Variants in MIPOL1 observed in about 807,000 individuals in gnomAD.
MIPOL1 encodes the protein mirror-image polydactyly 1.
MIPOL1 carries 57 observed loss-of-function variants against 60.9 expected under a neutral mutation model. The observed-to-expected ratio is 0.94, with a 90% CI of 0.76 to 1.17. The LOEUF (loss-of-function observed/expected upper bound fraction) is 1.17, where lower values mean the gene tolerates loss of function less well. Among genes scored for constraint, MIPOL1 ranks in the 50% most tolerant of loss-of-function variants. The probability of loss-of-function intolerance (pLI) is 0.00; values close to 1 mark genes in which losing one functional copy is unlikely to be tolerated. For missense variants in MIPOL1, 551 were observed against 511.6 expected, an observed-to-expected ratio of 1.08 and a Z score of -0.74; for synonymous variants, 179 against 168.8, an observed-to-expected ratio of 1.06 and a Z score of -0.47.
chr14:37,434,670 T>G (rs1450558753), intron 11 of MIPOL1: 1 of 151,986 alleles, frequency 6.6e-6, no homozygotes, highest in Non-Finnish European at 1.5e-5. Context: ...GACTTCCCAG[T>G]GTTGGGATTA....
At chr14:37,349,856 G>A (rs1398732243) in intron 9 of MIPOL1, among the ~76,000 whole-genome samples, 1 of 152,140 alleles carries the variant, frequency 6.6e-6, no homozygotes, top group African/African-American at 2.4e-5. Flanking sequence ...ATATACAGCT[G>A]CCTGGAACAG....
chr14:37,358,280 A>G (rs1252964268), intron 9 of MIPOL1, among the ~76,000 whole-genome samples: 4 of 152,166 alleles, frequency 2.6e-5, no homozygotes, highest in African/African-American at 7.2e-5. Context: ...GCTATTGTGA[A>G]TAGTGCTGCA....
intron 9 of MIPOL1, among the ~76,000 whole-genome samples, chr14:37,349,844 C>A (rs1389326609): frequency 6.6e-6 from 1 of 152,090 alleles, no homozygotes; most frequent in East Asian, 1.9e-4. Flanking sequence ...GTATCCGCAG[C>A]CATATACAGC....
intron 11 of MIPOL1, among the ~76,000 whole-genome samples, chr14:37,439,766 A>G (rs1164756191): frequency 6.6e-6 from 1 of 152,218 alleles, no homozygotes; most frequent in Non-Finnish European, 1.5e-5. Context: ...ATATTTCAGT[A>G]AGTATCATCT....
intron 11 of MIPOL1, among the ~76,000 whole-genome samples, chr14:37,481,579 AC>A (rs2094868420): frequency 6.7e-6 from 1 of 149,290 alleles, no homozygotes; most frequent in African/African-American, 2.5e-5. Flanking sequence ...ACACACACAC[AC>A]ACACACACAC....
chr14:37,302,659 A>G (rs1052042949), intron 7 of MIPOL1, among the ~76,000 whole-genome samples: 10 of 148,298 alleles, frequency 6.7e-5, no homozygotes, highest in Admixed American at 6.1e-4. Flanking sequence ...GCTTATGGAC[A>G]TTCTTATATT....
intron 10 of MIPOL1, among the ~76,000 whole-genome samples, chr14:37,419,894 G>T (rs1164023663): frequency 6.6e-6 from 1 of 151,778 alleles, no homozygotes; most frequent in Non-Finnish European, 1.5e-5. Flanking sequence ...GTGCATGCCA[G>T]CCCACCCAGC....
intron 12 of MIPOL1, among the ~76,000 whole-genome samples, chr14:37,542,623 C>T (rs2095534016): frequency 6.6e-6 from 1 of 152,194 alleles, no homozygotes; most frequent in Non-Finnish European, 1.5e-5. Flanking sequence ...TCTCATCCTT[C>T]AACACTTAGG....
chr14:37,427,471 A>T lies in MIPOL1; in HGVS notation c.1031+4522A>T, dbSNP rs571887451. Among the ~76,000 whole-genome samples the T allele has an allele frequency of 3.0e-3, 451 of 152,288 alleles. 3 individuals are homozygous for T. Among genetic ancestry groups the T allele is most frequent in the African/African-American group, 9.3e-3 (385 of 41,570 alleles). ...ATGATTTACATAGAGTGGGATGATGAAAAGTTGTGGAAATGAATAATGGTG... is the reference window on the plus strand; with the variant it reads ...ATGATTTACATAGAGTGGGATGATGTAAAGTTGTGGAAATGAATAATGGTG... On this transcript the variant is annotated intron_variant, in intron 11 of 12. Transcript: ENST00000684589.
intron 10 of MIPOL1, among the ~76,000 whole-genome samples, chr14:37,407,174 G>A (rs550348317): frequency 8.5e-5 from 13 of 152,150 alleles, no homozygotes; most frequent in African/African-American, 3.1e-4. Flanking sequence ...CTAAAAATTG[G>A]ACTAAACAGT....
At chr14:37,254,328 A>C (rs2153367569) in intron 3 of MIPOL1, among the ~76,000 whole-genome samples, 1 of 151,972 alleles carries the variant, frequency 6.6e-6, no homozygotes, top group Admixed American at 6.6e-5. Flanking sequence ...AATGTTTACA[A>C]GGGCAACTTA....
At chr14:37,246,762 T>C (rs953170057) in intron 1 of MIPOL1, among the ~76,000 whole-genome samples, 1 of 152,144 alleles carries the variant, frequency 6.6e-6, no homozygotes, top group Non-Finnish European at 1.5e-5. Flanking sequence ...GTGTTTACTT[T>C]TCTGAGTGCT....
intron 6 of MIPOL1, among the ~76,000 whole-genome samples, chr14:37,274,904 A>G (rs1025611039): frequency 1.3e-5 from 2 of 151,308 alleles, no homozygotes; most frequent in African/African-American, 4.8e-5. Flanking sequence ...TTGTGTGGTT[A>G]TGTAAATTAC....
intron 11 of MIPOL1, among the ~76,000 whole-genome samples, chr14:37,478,742 C>G (rs1407277021): frequency 6.6e-6 from 1 of 151,836 alleles, no homozygotes; most frequent in Non-Finnish European, 1.5e-5. Context: ...TAAATGGATA[C>G]CAAAAGATAG....
intron 12 of MIPOL1, chr14:37,545,519 T>C (rs1324494391): frequency 1.0e-5 from 5 of 478,132 alleles, no homozygotes; most frequent in Middle Eastern, 5.3e-4. Context: ...ACAACATTTA[T>C]GTATAGTTTG....
intron 7 of MIPOL1, among the ~76,000 whole-genome samples, chr14:37,299,604 TA>T (rs1383079622): frequency 6.6e-6 from 1 of 152,114 alleles, no homozygotes; most frequent in East Asian, 1.9e-4. Flanking sequence ...ATTTTTTAGA[TA>T]TTTTTTAAAA....
chr14:37,428,888 A>T (rs561545085), intron 11 of MIPOL1, among the ~76,000 whole-genome samples: 18 of 152,198 alleles, frequency 1.2e-4, no homozygotes, highest in African/African-American at 4.3e-4. Context: ...AGATGGGAGG[A>T]TAGAGATATT....
intron 9 of MIPOL1, among the ~76,000 whole-genome samples, chr14:37,309,558 C>G (rs537734389): frequency 3.3e-5 from 5 of 152,222 alleles, no homozygotes; most frequent in African/African-American, 9.6e-5. Flanking sequence ...GTGCTGCACA[C>G]TGTATCTGCT....
intron 11 of MIPOL1, among the ~76,000 whole-genome samples, chr14:37,461,691 T>C (rs996033083): frequency 3.3e-5 from 5 of 152,132 alleles, no homozygotes; most frequent in Admixed American, 6.5e-5. Flanking sequence ...TGGGAGAAAT[T>C]GGCCAAAACA....
Sources: allele counts gnomAD v4.1 joint callset (sites outside exome capture counted in the v4.1 genomes callset), GRCh38; gene constraint gnomAD v4.1.1; transcripts MANE v1.5; gene names NCBI Gene and HGNC (gene_info 2026-07-23, HGNC 2026-07-21).